PSD2: variants seen among roughly 807,000 people sequenced by gnomAD.
The protein encoded by PSD2 is PH and SEC7 domain-containing protein 2.
In PSD2, 38 loss-of-function variants were observed where a neutral mutation model predicts 69.8. The ratio of observed to expected loss-of-function variants is 0.54; its 90% confidence interval spans 0.42 to 0.71. The LOEUF is 0.71. Ranked by LOEUF, PSD2 falls within the 30% of genes least tolerant of loss-of-function variation. The pLI, the probability that PSD2 is intolerant of heterozygous loss-of-function variation, is 0.00. For missense variants in PSD2, 943 were observed against 1,014.5 expected, an observed-to-expected ratio of 0.93 and a Z score of 0.96; for synonymous variants, 412 against 423.0, an observed-to-expected ratio of 0.97 and a Z score of 0.32.
chr5:139,818,929 C>G (rs1760189723), intron 5 of PSD2, among the ~76,000 whole-genome samples: 1 of 152,156 alleles, frequency 6.6e-6, no homozygotes, highest in Non-Finnish European at 1.5e-5. Flanking sequence ...AATTATCCAT[C>G]TTTTCCATTA....
intron 1 of PSD2, among the ~76,000 whole-genome samples, chr5:139,796,975 C>A (rs999526790): frequency 3.3e-5 from 5 of 152,018 alleles, no homozygotes; most frequent in African/African-American, 7.2e-5. Flanking sequence ...CTGGGTTCCC[C>A]AGTTCCTTTT....
intron 5 of PSD2, 68 bp downstream of exon 5, chr5:139,817,629 C>G: frequency 7.5e-7 from 1 of 1,325,796 alleles, no homozygotes; most frequent in Non-Finnish European, 1.1e-6. Context: ...CTCATGTCAA[C>G]TCTACCATAA....
At chr5:139,744,167 C>T in the PSD2 span, among the ~76,000 whole-genome samples, 1 of 152,184 alleles carries the variant, frequency 6.6e-6, no homozygotes, top group Non-Finnish European at 1.5e-5. Context: ...CCCTTCCCTG[C>T]GCCCAGAAGG....
At chr5:139,820,520 T>C (rs1190766518) in intron 5 of PSD2, among the ~76,000 whole-genome samples, 3 of 152,106 alleles carry the variant, frequency 2.0e-5, no homozygotes, top group Non-Finnish European at 4.4e-5. Context: ...GGCCAAGTCA[T>C]GGCTTGCAGG....
chr5:139,763,585 C>G, the PSD2 span, among the ~76,000 whole-genome samples: 1 of 152,226 alleles, frequency 6.6e-6, no homozygotes, highest in South Asian at 2.1e-4. Context: ...GGGCCAGCCC[C>G]TCACCCCCAG....
the PSD2 span, among the ~76,000 whole-genome samples, chr5:139,745,559 C>G: frequency 2.6e-5 from 4 of 152,344 alleles, no homozygotes; most frequent in East Asian, 7.7e-4. Context: ...AGGGTGGAGG[C>G]CTTCTGAGAG....
intron 3 of PSD2, 30 bp downstream of exon 3, chr5:139,813,788 C>G: frequency 6.4e-7 from 1 of 1,557,706 alleles, no homozygotes; most frequent in African/African-American, 1.4e-5. Flanking sequence ...GGGAGAACCA[C>G]CGAGCAGATG....
intron 2 of PSD2, among the ~76,000 whole-genome samples, chr5:139,811,686 C>T (rs1174459290): frequency 6.6e-6 from 1 of 152,086 alleles, no homozygotes; most frequent in Non-Finnish European, 1.5e-5. Context: ...GCTCCACCTC[C>T]CGGGTTCACG....
Position 139,840,161 on chromosome 5 carries a change from C to T in PSD2, c.2103C>T (p.Leu701=). ...AEEYRLKEHY[L]TFEKSRYETY... ...AGTACCGGTTGAAGGAGCACTATCTCACCTTCGAGGTGAGCCTTGGGGGAC... is the reference window on the plus strand; with the variant it reads ...AGTACCGGTTGAAGGAGCACTATCTTACCTTCGAGGTGAGCCTTGGGGGAC... Residue 701 remains leucine (L), a synonymous_variant, in exon 14 of 15, where the codon CTC becomes CTT. Transcript: ENST00000274710. 1 of 1,614,058 alleles carries T rather than the reference C, an allele frequency of 6.2e-7. No homozygotes were observed. The highest frequency in any genetic ancestry group is 8.5e-7 in the Non-Finnish European group (1 of 1,180,012).
rs149376023 is a variant in PSD2 at position 139,797,029 on chromosome 5, G to C, written c.-51+1054G>C. On this transcript the variant is annotated intron_variant, in intron 1 of 14. Transcript: ENST00000274710. ...GAGCTGCTTAATAGTGGTTGGGGGT[G>C]GGGGGGTTCACTGGGCTGGGACTGC... 3.3e-4 allele frequency among the ~76,000 whole-genome samples: 50 copies of C among 151,974 alleles called. No homozygotes were observed. In the East Asian group the frequency reaches 9.5e-3, roughly 29 times the overall value.
chr5:139,772,265 C>T, the PSD2 span, among the ~76,000 whole-genome samples: 1 of 152,214 alleles, frequency 6.6e-6, no homozygotes, highest in Non-Finnish European at 1.5e-5. Context: ...GACCCAGCAG[C>T]TCAGCCAAGT....
intron 4 of PSD2, among the ~76,000 whole-genome samples, chr5:139,816,582 C>T (rs1760126577): frequency 6.6e-6 from 1 of 152,226 alleles, no homozygotes; most frequent in Admixed American, 6.5e-5. Flanking sequence ...TGCAAATGGG[C>T]AGCGAGCTCC....
At chr5:139,747,254 C>T in the PSD2 span, among the ~76,000 whole-genome samples, 1 of 152,088 alleles carries the variant, frequency 6.6e-6, no homozygotes, top group Non-Finnish European at 1.5e-5. The surrounding 1 kb of genome is among the most constrained non-coding windows in gnomAD (Gnocchi z 6.7). Flanking sequence ...CTTCAGTTAC[C>T]CCCAACCCCC....
the PSD2 span, among the ~76,000 whole-genome samples, chr5:139,782,253 G>A: frequency 4.6e-5 from 7 of 150,956 alleles, no homozygotes; most frequent in Admixed American, 4.0e-4. Context: ...GCACAATCTC[G>A]GCTCACTATA....
chr5:139,836,757 G>C (rs546951958), intron 9 of PSD2, 54 bp from the exon 10 acceptor site: 107 of 1,529,740 alleles, frequency 7.0e-5, no homozygotes, highest in Non-Finnish European at 9.3e-5. Context: ...AGGCCATGAC[G>C]ATGCGGGGCC....
chr5:139,745,679 C>T, the PSD2 span, among the ~76,000 whole-genome samples: 8 of 152,234 alleles, frequency 5.3e-5, no homozygotes, highest in Non-Finnish European at 4.4e-5. Flanking sequence ...GGAGCTGCTG[C>T]GGGTTGCCCA....
chr5:139,759,344 C>T, the PSD2 span, among the ~76,000 whole-genome samples: 47 of 152,080 alleles, frequency 3.1e-4, no homozygotes, highest in Admixed American at 2.0e-3. Context: ...GGCGGCGCCT[C>T]GTTTCCCCCA....
At chr5:139,778,192 G>A in the PSD2 span, among the ~76,000 whole-genome samples, 1 of 152,242 alleles carries the variant, frequency 6.6e-6, no homozygotes, top group Non-Finnish European at 1.5e-5. Context: ...AAGGGACAGT[G>A]CAGGGGGAAA....
At chr5:139,787,812 G>A in the PSD2 span, among the ~76,000 whole-genome samples, 1 of 152,252 alleles carries the variant, frequency 6.6e-6, no homozygotes, top group Non-Finnish European at 1.5e-5. Context: ...AGGGGGTCTG[G>A]GTCACCATGG....
Sources: allele counts gnomAD v4.1 joint callset (sites outside exome capture counted in the v4.1 genomes callset), GRCh38; gene constraint gnomAD v4.1.1; non-coding constraint Gnocchi (gnomAD v3.1); transcripts MANE v1.5; gene names NCBI Gene and HGNC (gene_info 2026-07-23, HGNC 2026-07-21).